The following CLMP variants were observed in gnomAD, a reference collection of about 807,000 sequenced individuals.
CLMP encodes CXADR like cell adhesion molecule.
A neutral mutation model predicts 45.2 loss-of-function variants in CLMP; 27 were observed. That is an observed-to-expected ratio of 0.60 (90% CI 0.44 to 0.82). The LOEUF is 0.82. CLMP is among the 40% of genes least tolerant of loss of function. The pLI is 0.00. For synonymous variants in CLMP, 167 were observed against 171.4 expected, an observed-to-expected ratio of 0.97 and a Z score of 0.20; for missense variants, 403 against 448.4, an observed-to-expected ratio of 0.90 and a Z score of 0.91.
chr11:123,173,299 G>A (rs1029794030), intron 1 of CLMP, among the ~76,000 whole-genome samples: 21 of 152,202 alleles, frequency 1.4e-4, no homozygotes, highest in African/African-American at 4.6e-4. Flanking sequence ...ACATAGCCTG[G>A]GTTTTCTTGG....
chr11:123,165,293 C>T (rs1861542245), intron 1 of CLMP, among the ~76,000 whole-genome samples: 1 of 152,202 alleles, frequency 6.6e-6, no homozygotes. Context: ...GTTTGAATCC[C>T]AGCTCCACCA....
chr11:123,130,409 C>T (rs1245797367), intron 1 of CLMP, among the ~76,000 whole-genome samples: 1 of 151,822 alleles, frequency 6.6e-6, no homozygotes, highest in Non-Finnish European at 1.5e-5. Context: ...CAGGGTTCGG[C>T]AAAATTAAAA....
At chr11:123,181,432 T>C (rs1281382751) in intron 1 of CLMP, among the ~76,000 whole-genome samples, 20 of 152,236 alleles carry the variant, frequency 1.3e-4, no homozygotes, top group Non-Finnish European at 1.3e-4. Context: ...TCATGGTAGA[T>C]ATTCTTGCTC....
At chr11:123,176,398 T>C (rs1397559986) in intron 1 of CLMP, among the ~76,000 whole-genome samples, 1 of 152,234 alleles carries the variant, frequency 6.6e-6, no homozygotes, top group East Asian at 1.9e-4. Context: ...GATTCCTCTT[T>C]GAGTGACCCA....
Position 123,111,616 on chromosome 11 carries a change from A to G in CLMP, c.29-13664T>C, listed in dbSNP as rs575248616. On this transcript the variant is annotated intron_variant, in intron 1 of 6. Coordinates refer to ENST00000448775, the MANE Select transcript of CLMP (RefSeq NM_024769.5). The stretch of plus-strand genomic sequence containing the variant: ...ACTTAGGGAGGATTAGCCAGGCCTC[A>G]CCTTTAAGGTAGTTATTCTTAGTAA... Among the ~76,000 whole-genome samples, 23 of 152,286 alleles carry G rather than the reference A, an allele frequency of 1.5e-4. No individual in the cohort carries two copies. The South Asian group carries it at 4.8e-3, about 32-fold the overall frequency.
chr11:123,111,900 T>C (rs189795144), intron 1 of CLMP, among the ~76,000 whole-genome samples: 1 of 152,352 alleles, frequency 6.6e-6, no homozygotes, highest in East Asian at 1.9e-4. Flanking sequence ...TTTACTTTGT[T>C]TGTCTAAGAC....
At chr11:123,084,431 TACC>T (rs1865840556) in intron 3 of CLMP, 78 bp downstream of exon 3, 1 of 1,129,066 alleles carries the variant, frequency 8.9e-7, no homozygotes, top group Non-Finnish European at 1.3e-6. Flanking sequence ...TGATGTTTTG[TACC>T]ACCGTGATGC....
chr11:123,160,700 G>A (rs2135533085), intron 1 of CLMP, among the ~76,000 whole-genome samples: 1 of 151,144 alleles, frequency 6.6e-6, no homozygotes, highest in Non-Finnish European at 1.5e-5. Flanking sequence ...CAAGGGGGAG[G>A]GGTGCAGTGA....
At chr11:123,142,951 C>A (rs1034969464) in intron 1 of CLMP, among the ~76,000 whole-genome samples, 3 of 152,146 alleles carry the variant, frequency 2.0e-5, no homozygotes, top group Non-Finnish European at 4.4e-5. Context: ...AACAGGCAGT[C>A]CTACTCCTAG....
intron 1 of CLMP, among the ~76,000 whole-genome samples, chr11:123,137,344 G>A (rs1178888490): frequency 3.4e-5 from 5 of 148,844 alleles, no homozygotes; most frequent in Admixed American, 2.7e-4. Flanking sequence ...TAGTAGAGAC[G>A]GGGTAGACCT....
At position 123,097,891 on chromosome 11, in the gene CLMP, C is replaced by T; in HGVS notation, c.90G>A (p.Lys30=). Residue 30 remains lysine, a synonymous_variant, in exon 2 of 7, where the codon AAG becomes AAA. Transcript: ENST00000448775. The part of the protein sequence containing the change: ...HTEIKRVAEE[K]VTLPCHHQLG... Reference sequence around the variant, plus strand: ...GTTGATGGTGGCAGGGCAAAGTGACCTTTTCCTCTGCCACTCTCTTGATCT... The same window carrying T: ...GTTGATGGTGGCAGGGCAAAGTGACTTTTTCCTCTGCCACTCTCTTGATCT... The T allele has an allele frequency of 1.2e-6, 2 of 1,609,828 alleles. No homozygotes were observed. The highest frequency in any genetic ancestry group is 1.7e-6 in the Non-Finnish European group (2 of 1,178,074).
At chr11:123,106,441 A>T (rs201434692) in intron 1 of CLMP, among the ~76,000 whole-genome samples, 15,314 of 119,292 alleles carry the variant, frequency 0.13, 890 homozygotes, top group East Asian at 0.22. Context: ...GCGCGCGCGC[A>T]CGTGCCTGCC....
At chr11:123,180,374 A>G (rs1861753301) in intron 1 of CLMP, among the ~76,000 whole-genome samples, 1 of 152,154 alleles carries the variant, frequency 6.6e-6, no homozygotes, top group South Asian at 2.1e-4. Context: ...TCATGAGAGC[A>G]GAGCCTTAGA....
intron 1 of CLMP, among the ~76,000 whole-genome samples, chr11:123,115,245 G>T (rs1860705143): frequency 6.6e-6 from 1 of 151,180 alleles, no homozygotes; most frequent in Non-Finnish European, 1.5e-5. Flanking sequence ...ACAAGGTCTT[G>T]CTGTGTTGCC....
chr11:123,156,275 T>A (rs1861413944), intron 1 of CLMP, among the ~76,000 whole-genome samples: 1 of 152,162 alleles, frequency 6.6e-6, no homozygotes, highest in Non-Finnish European at 1.5e-5. Flanking sequence ...TGCTTATGAA[T>A]TTTAGCTTCC....
intron 1 of CLMP, 133 bp downstream of exon 1, chr11:123,194,780 A>G: frequency 1.8e-6 from 2 of 1,089,140 alleles, no homozygotes; most frequent in South Asian, 1.3e-5. Flanking sequence ...CTCCGTGGCC[A>G]GGAGGCAGGG....
chr11:123,167,684 A>G (rs1045269434), intron 1 of CLMP, among the ~76,000 whole-genome samples: 3 of 152,208 alleles, frequency 2.0e-5, no homozygotes, highest in Non-Finnish European at 4.4e-5. Flanking sequence ...TGGCAAAGCA[A>G]TGACCCTGGA....
chr11:123,164,674 A>T (rs1861534437), intron 1 of CLMP, among the ~76,000 whole-genome samples: 1 of 152,114 alleles, frequency 6.6e-6, no homozygotes, highest in East Asian at 1.9e-4. Flanking sequence ...CACTTTAAAC[A>T]CCGTGACAAT....
At chr11:123,076,126 T>G (rs1305403575) in intron 5 of CLMP, among the ~76,000 whole-genome samples, 1 of 151,920 alleles carries the variant, frequency 6.6e-6, no homozygotes, top group African/African-American at 2.4e-5. Context: ...TGAGCCGACA[T>G]CATGCTACTG....
Sources: gnomAD v4.1 joint callset for allele counts (sites outside exome capture counted in the v4.1 genomes callset) on GRCh38, gnomAD v4.1.1 for gene constraint, MANE v1.5 for transcripts, NCBI Gene and HGNC (gene_info 2026-07-23, HGNC 2026-07-21) for gene names.